The following UTP23 variants were observed in gnomAD, a reference collection of about 807,000 sequenced individuals.
UTP23 encodes the protein UTP23 small subunit processome component, also known as rRNA-processing protein UTP23 homolog.
In UTP23, 10 loss-of-function variants were observed where a neutral mutation model predicts 19.8. That is an observed-to-expected ratio of 0.50 (90% CI 0.31 to 0.86). The LOEUF (loss-of-function observed/expected upper bound fraction) is 0.86. Ranked by LOEUF, UTP23 falls within the 40% of genes least tolerant of loss-of-function variation. The probability of loss-of-function intolerance (pLI) is 0.05; values close to 1 mark genes in which losing one functional copy is unlikely to be tolerated. For missense variants in UTP23, 282 were observed against 293.1 expected, an observed-to-expected ratio of 0.96 and a Z score of 0.28; for synonymous variants, 108 against 105.4, an observed-to-expected ratio of 1.02 and a Z score of -0.15.
At position 116,766,801 on chromosome 8, in the gene UTP23, G is replaced by A; in HGVS notation, c.188+10G>A. ...AGCTGTGCACCACAAGGTGGGCCCGGGGGGCTGGGGAGGAGGCACAGAGGG... is the reference window on the plus strand; with the variant it reads ...AGCTGTGCACCACAAGGTGGGCCCGAGGGGCTGGGGAGGAGGCACAGAGGG... On this transcript the variant is annotated intron_variant, in intron 1 of 2. Coordinates refer to ENST00000309822, the MANE Select transcript of UTP23 (RefSeq NM_032334.3). 2 of 1,522,386 alleles carry A rather than the reference G, an allele frequency of 1.3e-6. No individual in the cohort carries two copies. The highest frequency in any genetic ancestry group is 1.8e-6 in the Non-Finnish European group (2 of 1,132,756). 94.3% of individuals were successfully genotyped at this position (1,522,386 alleles called of 1,614,324 possible). A position where few individuals can be genotyped will look rare whatever the true frequency, so the allele number is the denominator to read the frequency against.
Position 116,772,348 on chromosome 8 carries a change from A to G in UTP23, c.*506A>G, listed in dbSNP as rs543126822. 1 of 985,170 alleles carries G rather than the reference A, an allele frequency of 1.0e-6. No individual in the cohort carries two copies. The highest frequency in any genetic ancestry group is 1.2e-6 in the Non-Finnish European group (1 of 829,700). 61.0% of individuals were successfully genotyped at this position (985,170 alleles called of 1,614,324 possible). On this transcript the variant is annotated 3_prime_UTR_variant, in exon 3 of 3. Transcript: ENST00000309822. ...GTTTTAAAAAATCTTACAGTTCTAA[A>G]AGGCTTGTGACAAAAAAAGAGGCAG...
rs970206576 is a variant in UTP23, at chr8:116,773,343, TACTC to T, written c.*1503_*1506del. On this transcript the variant is annotated 3_prime_UTR_variant, in exon 3 of 3. Transcript: ENST00000309822. Reference sequence around the variant, plus strand: ...TGATAAATGAAATATACACTGATGATACTCATTTCAATATGCTAAAATACATTAA... The same window carrying T: ...TGATAAATGAAATATACACTGATGATATTTCAATATGCTAAAATACATTAA... 8.5e-4 allele frequency: 838 copies of T among 981,820 alleles called. No individual in the cohort carries two copies. The highest frequency in any genetic ancestry group is 1.2e-3 in the South Asian group (25 of 21,204). 60.8% of individuals were successfully genotyped at this position (981,820 alleles called of 1,614,324 possible). A position where few individuals can be genotyped will look rare whatever the true frequency, so the allele number is the denominator to read the frequency against.
chr8:116,766,614 C>T lies in UTP23; in HGVS notation c.11C>T (p.Thr4Ile), dbSNP rs1244474583. MKI[T>I]RQKHAKKHLG... The stretch of plus-strand genomic sequence containing the variant: ...CCCGGTAAGCCAGGCATGAAGATCA[C>T]AAGGCAGAAACATGCCAAGAAGCAT... Residue 4 changes from threonine to isoleucine, a missense_variant, in exon 1 of 3, where the codon ACA becomes ATA. Thr to Ile is a moderately conservative substitution (Grantham distance 89). Coordinates refer to ENST00000309822, the MANE Select transcript of UTP23 (RefSeq NM_032334.3). The T allele has an allele frequency of 1.2e-6, 2 of 1,612,868 alleles. No individual in the cohort carries two copies. The highest frequency in any genetic ancestry group is 2.2e-5 in the South Asian group (2 of 90,940).
At chr8:116,771,213 A>G (rs1815646119) in intron 2 of UTP23, among the ~76,000 whole-genome samples, 1 of 152,182 alleles carries the variant, frequency 6.6e-6, no homozygotes, top group African/African-American at 2.4e-5. Context: ...TTAGTTTGTA[A>G]TTTGTGGCTC....
At chr8:116,771,272 C>G (rs142836746) in intron 2 of UTP23, among the ~76,000 whole-genome samples, 184 bp from the exon 3 acceptor site, 1 of 152,134 alleles carries the variant, frequency 6.6e-6, no homozygotes, top group Non-Finnish European at 1.5e-5. Context: ...ACACTGTGCT[C>G]AGTTTTTATG....
At chr8:116,770,502 TA>T in intron 2 of UTP23, 136 bp downstream of exon 2, 1 of 765,334 alleles carries the variant, frequency 1.3e-6, no homozygotes, top group Non-Finnish European at 1.9e-6. Flanking sequence ...TTGCAGTCAG[TA>T]AAAGCAATTG....
At chr8:116,769,584 G>A (rs1408688399) in intron 1 of UTP23, among the ~76,000 whole-genome samples, 5 of 152,160 alleles carry the variant, frequency 3.3e-5, no homozygotes, top group Non-Finnish European at 7.3e-5. Flanking sequence ...AATGACTAAA[G>A]CAAGCAAAAT....
intron 1 of UTP23, 160 bp from the exon 2 acceptor site, chr8:116,770,032 T>A (rs1815630333): frequency 1.6e-6 from 1 of 633,494 alleles, no homozygotes; most frequent in South Asian, 2.8e-5. Flanking sequence ...TTCTTCCTAC[T>A]TGGTAAATGC....
At chr8:116,767,710 A>G (rs1041925815) in intron 1 of UTP23, among the ~76,000 whole-genome samples, 2 of 152,242 alleles carry the variant, frequency 1.3e-5, no homozygotes, top group Non-Finnish European at 2.9e-5. Context: ...AGCACAGAAT[A>G]TATTTGGGAG....
In UTP23 at chr8:116,772,442, A is replaced by T. The variant is rs1815670612; in HGVS notation, c.*600A>T. The T allele has an allele frequency of 1.0e-6, 1 of 952,604 alleles. No homozygotes were observed. 59.0% of individuals were successfully genotyped at this position (952,604 alleles called of 1,614,324 possible). On this transcript the variant is annotated 3_prime_UTR_variant, in exon 3 of 3. Transcript: ENST00000309822. ...AGTAGTTGAAGAATTTATATTTCCA[A>T]ATTGTATGATTATACCGCTACTTTT...
rs1180652645 is a variant in UTP23 at position 116,771,800 on chromosome 8, C to G, written c.708C>G (p.Asn236Lys). The G allele has an allele frequency of 6.3e-7, 1 of 1,590,634 alleles. No homozygotes were observed. Among genetic ancestry groups the G allele is most frequent in the East Asian group, 2.2e-5 (1 of 44,766 alleles). Reference protein sequence around the residue: ...RKRKRIRNRSNPKVLSEKQNA... With the variant: ...RKRKRIRNRSKPKVLSEKQNA... ...GAAAAAGAATTCGGAACAGATCTAA[C>G]CCAAAAGTACTTTCTGAGAAGCAGA... The change falls in exon 3 of 3, where the codon AAC becomes AAG. Residue 236 changes from asparagine to lysine, a missense_variant. By Grantham distance (94) the Asn-to-Lys change is moderately conservative. Transcript: ENST00000309822.
chr8:116,773,613 C>T lies in UTP23; in HGVS notation c.*1771C>T. 2.0e-6 allele frequency: 1 copy of T among 509,508 alleles called. No individual in the cohort carries two copies. Among genetic ancestry groups the T allele is most frequent in the South Asian group, 8.5e-5 (1 of 11,810 alleles). The allele number at this position is 509,508 out of a possible 1,614,324, so 31.6% of individuals were successfully genotyped here. A position where few individuals can be genotyped will look rare whatever the true frequency, so the allele number is the denominator to read the frequency against. ...GATCACAAAATTAAGAGATCAAGACCATCCTGGCCAACATGGTGAAACCCT... is the reference window on the plus strand; with the variant it reads ...GATCACAAAATTAAGAGATCAAGACTATCCTGGCCAACATGGTGAAACCCT... On this transcript the variant is annotated 3_prime_UTR_variant, in exon 3 of 3. Transcript: ENST00000309822.
At position 116,766,568 on chromosome 8, in the gene UTP23, T is replaced by C. The variant is rs1185673299; in HGVS notation, c.-36T>C. ...CGTGCGTGAGGCGTTTACTGATGCT[T>C]CCTGGTCCGGTGGCCTCGGTCCCGG... On this transcript the variant is annotated 5_prime_UTR_variant, in exon 1 of 3. Transcript: ENST00000309822. The C allele has an allele frequency of 6.3e-7, 1 of 1,596,064 alleles. No homozygotes were observed.
chr8:116,769,752 T>C (rs1393313013), intron 1 of UTP23, among the ~76,000 whole-genome samples: 1 of 152,196 alleles, frequency 6.6e-6, no homozygotes, highest in African/African-American at 2.4e-5. Context: ...TTTGAAAGTA[T>C]ACCAATTTGT....
At position 116,770,103 on chromosome 8, in the gene UTP23, C is replaced by A. The variant is rs750005279; in HGVS notation, c.189-89C>A. The A allele has an allele frequency of 2.4e-6, 3 of 1,259,590 alleles. No individual in the cohort carries two copies. The South Asian group carries it at 5.4e-5, about 23-fold the overall frequency. The allele number at this position is 1,259,590 out of a possible 1,614,324, so 78.0% of individuals were successfully genotyped here. On this transcript the variant is annotated intron_variant, in intron 1 of 2. Transcript: ENST00000309822. ...AGATGACAAATTTAGATTGTAACAG[C>A]ATAGTTTTATTTTAAGAAAAAATCG...
rs757173127 is a variant in UTP23, at chr8:116,772,351, G to C, written c.*509G>C. On this transcript the variant is annotated 3_prime_UTR_variant, in exon 3 of 3. Transcript: ENST00000309822. Reference sequence around the variant, plus strand: ...TTAAAAAATCTTACAGTTCTAAAAGGCTTGTGACAAAAAAAGAGGCAGTCC... The same window carrying C: ...TTAAAAAATCTTACAGTTCTAAAAGCCTTGTGACAAAAAAAGAGGCAGTCC... The C allele has an allele frequency of 4.1e-6, 4 of 984,912 alleles. No homozygotes were observed. The South Asian group carries it at 1.4e-4, about 35-fold the overall frequency. The allele number at this position is 984,912 out of a possible 1,614,324, so 61.0% of individuals were successfully genotyped here. A position where few individuals can be genotyped will look rare whatever the true frequency, so the allele number is the denominator to read the frequency against.
At chr8:116,767,242 A>G (rs1410566353) in intron 1 of UTP23, among the ~76,000 whole-genome samples, 2 of 152,218 alleles carry the variant, frequency 1.3e-5, no homozygotes, top group Non-Finnish European at 2.9e-5. Flanking sequence ...TGTCATTTGC[A>G]TAGCTTTTCT....
In UTP23 at chr8:116,771,675, A is replaced by C. The variant is rs1133950; in HGVS notation, c.583A>C (p.Lys195Gln). 0.048 allele frequency: 77,739 copies of C among 1,610,856 alleles called. 2,429 individuals are homozygous for C. Among genetic ancestry groups the C allele is most frequent in the African/African-American group, 0.11 (8,509 of 74,596 alleles). The stretch of plus-strand genomic sequence containing the variant: ...AAACACTGAACAGAGTAGAAGAAAA[A>C]AGCGCAAGAAAATAAGTGGTCCCAA... ...VKNTEQSRRKKRKKISGPNPL... is the reference protein window; with the variant it reads ...VKNTEQSRRKQRKKISGPNPL... Residue 195 changes from lysine (K) to glutamine (Q), a missense_variant, in exon 3 of 3, where the codon AAG (lysine) becomes CAG (glutamine). Physicochemically the swap from Lys to Gln is moderately conservative, Grantham distance 53 (BLOSUM62 1). Coordinates refer to ENST00000309822, the MANE Select transcript of UTP23 (RefSeq NM_032334.3).
rs1165702680 is a variant in UTP23 at position 116,766,716 on chromosome 8, CGCTGCGGGGCCGCATCCA to C, written c.122_139del (p.Gly41_Arg46del). 2 of 1,610,752 alleles carry C rather than the reference CGCTGCGGGGCCGCATCCA, an allele frequency of 1.2e-6. No homozygotes were observed. The highest frequency in any genetic ancestry group is 2.2e-5 in the East Asian group (1 of 44,730). On this transcript the variant is annotated inframe_deletion, in exon 1 of 3. Coordinates refer to ENST00000309822, the MANE Select transcript of UTP23 (RefSeq NM_032334.3). Reference sequence around the variant, plus strand: ...CTGGACGGCACCTTCTGTCAGGCGGCGCTGCGGGGCCGCATCCAGCTGCGGGAGCAGCTGCCCCGCTAC... The same window carrying C: ...CTGGACGGCACCTTCTGTCAGGCGGCGCTGCGGGAGCAGCTGCCCCGCTAC...
Sources: allele counts gnomAD v4.1 joint callset (sites outside exome capture counted in the v4.1 genomes callset), GRCh38; gene constraint gnomAD v4.1.1; transcripts MANE v1.5; gene names NCBI Gene and HGNC (gene_info 2026-07-23, HGNC 2026-07-21).